The following CCDC7 variants were observed in gnomAD, a reference collection of about 807,000 sequenced individuals.
The protein encoded by CCDC7 is coiled-coil domain-containing protein 7.
A neutral mutation model predicts 196.9 loss-of-function variants in CCDC7; 183 were observed. That is an observed-to-expected ratio of 0.93 (90% CI 0.82 to 1.05). The LOEUF is 1.05. Among genes scored for constraint, CCDC7 ranks in the 50% least tolerant of loss-of-function variants. The probability of loss-of-function intolerance (pLI) is 0.00; values close to 1 mark genes in which losing one functional copy is unlikely to be tolerated. For missense variants in CCDC7, 1,540 were observed against 1,482.2 expected (o/e 1.04, Z -0.64); for synonymous variants, 525 against 484.6 (o/e 1.08, Z -1.10).
intron 28 of CCDC7, among the ~76,000 whole-genome samples, chr10:32,730,867 T>A (rs895957608): frequency 9.2e-5 from 14 of 152,036 alleles, no homozygotes; most frequent in African/African-American, 2.7e-4. Context: ...GGAAATAATA[T>A]TATTAAATTA....
intron 24 of CCDC7, among the ~76,000 whole-genome samples, chr10:32,709,634 A>C (rs1399658389): frequency 1.3e-5 from 2 of 152,090 alleles, no homozygotes; most frequent in African/African-American, 4.8e-5. Context: ...GCAGTTGAAA[A>C]TACAGATGAA....
At position 32,561,148 on chromosome 10, in the gene CCDC7, A is replaced by G. The variant is rs375054911; in HGVS notation, c.1135-4410A>G. ...AAATATATATGCATCCAATACAGGA[A>G]CACCCAGTTTCATAAAGCAAGGCCT... On this transcript the variant is annotated intron_variant, in intron 13 of 41. Transcript: ENST00000639629. 2.6e-5 allele frequency among the ~76,000 whole-genome samples: 4 copies of G among 152,332 alleles called. No homozygotes were observed. The East Asian group carries it at 7.7e-4, about 29-fold the overall frequency.
intron 3 of CCDC7, among the ~76,000 whole-genome samples, chr10:32,459,729 A>G (rs1043224003): frequency 2.9e-5 from 4 of 139,384 alleles, no homozygotes; most frequent in East Asian, 2.2e-4. Context: ...CAAATTTACA[A>G]TTGACTTTGA....
intron 11 of CCDC7, among the ~76,000 whole-genome samples, chr10:32,521,955 T>C (rs370387169): frequency 3.9e-4 from 60 of 152,208 alleles, no homozygotes; most frequent in African/African-American, 1.4e-3. Flanking sequence ...TCAATTGAAA[T>C]GATCACATGG....
intron 9 of CCDC7, among the ~76,000 whole-genome samples, chr10:32,503,936 CT>C (rs997253275): frequency 1.3e-5 from 2 of 151,316 alleles, no homozygotes; most frequent in Non-Finnish European, 2.9e-5. Flanking sequence ...TTCTTATTAT[CT>C]TTTTTTTATT....
intron 32 of CCDC7, 83 bp downstream of exon 33, chr10:32,824,687 C>A: frequency 3.7e-6 from 3 of 802,590 alleles, no homozygotes; most frequent in South Asian, 4.0e-5. Context: ...GACAACAGTA[C>A]CTATATGTAA....
intron 28 of CCDC7, among the ~76,000 whole-genome samples, chr10:32,753,694 G>A (rs1192850613): frequency 6.6e-6 from 1 of 151,986 alleles, no homozygotes; most frequent in African/African-American, 2.4e-5. Context: ...TTTCGCTCTT[G>A]CTATTTCTTT....
intron 28 of CCDC7, among the ~76,000 whole-genome samples, chr10:32,738,115 T>A (rs2085178922): frequency 6.6e-6 from 1 of 152,158 alleles, no homozygotes; most frequent in South Asian, 2.1e-4. Flanking sequence ...CTTCCACACC[T>A]TTCCTGCCTT....
chr10:32,515,704 C>T (rs1188438182), intron 9 of CCDC7, among the ~76,000 whole-genome samples: 9 of 150,198 alleles, frequency 6.0e-5, no homozygotes, highest in Admixed American at 2.0e-4. Flanking sequence ...CCACCACACC[C>T]GGCTAATTTT....
intron 41 of CCDC7, among the ~76,000 whole-genome samples, chr10:32,860,394 G>A (rs530185533): frequency 4.1e-4 from 63 of 152,214 alleles, no homozygotes; most frequent in Middle Eastern, 3.4e-3. Flanking sequence ...TAATAAACTA[G>A]GCATTGATGG....
chr10:32,807,664 A>G (rs1565562800), intron 30 of CCDC7, among the ~76,000 whole-genome samples: 1 of 151,958 alleles, frequency 6.6e-6, no homozygotes, highest in Non-Finnish European at 1.5e-5. Context: ...CTAGAAGTCA[A>G]CATTCCCACC....
At chr10:32,509,238 C>T (rs185847766) in intron 9 of CCDC7, among the ~76,000 whole-genome samples, 24 of 152,116 alleles carry the variant, frequency 1.6e-4, no homozygotes, top group African/African-American at 2.2e-4. Context: ...GATTAGCAAG[C>T]GCAGAAACAA....
intron 1 of CCDC7, 148 bp downstream of exon 2, chr10:32,452,069 A>T: frequency 1.7e-6 from 2 of 1,189,048 alleles, no homozygotes; most frequent in South Asian, 4.6e-5. Flanking sequence ...AATTAGGAGA[A>T]AACCAGATCT....
chr10:32,613,832 A>T (rs554385628), intron 18 of CCDC7, among the ~76,000 whole-genome samples: 1 of 152,274 alleles, frequency 6.6e-6, no homozygotes, highest in East Asian at 1.9e-4. Context: ...TTAGTTTTAG[A>T]ATAAGTGCAA....
intron 32 of CCDC7, among the ~76,000 whole-genome samples, chr10:32,826,418 C>T (rs1334829198): frequency 6.6e-6 from 1 of 152,208 alleles, no homozygotes; most frequent in Non-Finnish European, 1.5e-5. Flanking sequence ...GTCATCAAGT[C>T]ACCATGTGAC....
At chr10:32,851,696 C>A in intron 39 of CCDC7, 111 bp from the exon 41 acceptor site, 2 of 1,054,338 alleles carry the variant, frequency 1.9e-6, no homozygotes, top group Non-Finnish European at 2.7e-6. Flanking sequence ...TAAATGTTTG[C>A]TTTATATATT....
At chr10:32,872,664 C>T (rs1450351370) in intron 41 of CCDC7, among the ~76,000 whole-genome samples, 1 of 152,030 alleles carries the variant, frequency 6.6e-6, no homozygotes, top group Non-Finnish European at 1.5e-5. Flanking sequence ...CATGTTTTTG[C>T]AGTGGCTGGT....
At chr10:32,762,254 G>A (rs1332699559) in intron 28 of CCDC7, among the ~76,000 whole-genome samples, 1 of 151,776 alleles carries the variant, frequency 6.6e-6, no homozygotes, top group Non-Finnish European at 1.5e-5. Flanking sequence ...AGTTTGCCTG[G>A]AGAAGAGAGA....
At position 32,492,049 on chromosome 10, in the gene CCDC7, CAG is replaced by C. The variant is rs778843473; in HGVS notation, c.872+54_872+55del. ...TTATTTTTCTATTTTTAAAAAAAGA[CAG>C]ATAAAATTGTATTTTTCCATATGTA... On this transcript the variant is annotated intron_variant, in intron 9 of 41. Transcript: ENST00000639629. 3.0e-4 allele frequency: 435 copies of C among 1,464,348 alleles called. 2 individuals carry two copies. Among genetic ancestry groups the C allele is most frequent in the Non-Finnish European group, 1.6e-4 (176 of 1,106,002 alleles). 90.7% of individuals were successfully genotyped at this position (1,464,348 alleles called of 1,614,324 possible).
Sources: allele counts gnomAD v4.1 joint callset (sites outside exome capture counted in the v4.1 genomes callset), GRCh38; gene constraint gnomAD v4.1.1; transcripts MANE v1.5; gene names NCBI Gene and HGNC (gene_info 2026-07-23, HGNC 2026-07-21).